The following ZBED6 variants were observed in gnomAD, a reference collection of about 807,000 sequenced individuals.
The protein encoded by ZBED6 is zinc finger BED-type containing 6, also known as zinc finger BED domain-containing protein 6.
In ZBED6, 40 loss-of-function variants were observed where a neutral mutation model predicts 58.4. That is an observed-to-expected ratio of 0.68 (90% CI 0.53 to 0.89). The LOEUF is 0.89. Ranked by LOEUF, ZBED6 falls within the 40% of genes least tolerant of loss-of-function variation. The probability of loss-of-function intolerance (pLI) is 0.00; values close to 1 mark genes in which losing one functional copy is unlikely to be tolerated. For missense variants in ZBED6, 1,057 were observed against 1,003.9 expected (o/e 1.05, Z -0.71); for synonymous variants, 439 against 350.6 (o/e 1.25, Z -2.82).
chr1:203,798,231 T>C (rs1489823293), exon 1 of ZBED6: 1 of 1,536,136 alleles, frequency 6.5e-7, no homozygotes, highest in East Asian at 2.4e-5. Context: ...TAAATCAGCA[T>C]CTGATGCCCT....
exon 17 of ZBED6, chr1:203,852,794 G>C (rs1689568126): frequency 5.3e-6 from 1 of 188,582 alleles, no homozygotes; most frequent in Admixed American, 5.4e-5. Flanking sequence ...AATATTACCT[G>C]AGTTTGAAAT....
chr1:203,848,900 G>A (rs931685059), intron 13 of ZBED6, among the ~76,000 whole-genome samples: 3 of 148,398 alleles, frequency 2.0e-5, no homozygotes, highest in Admixed American at 7.1e-5. Flanking sequence ...GGATTTCTTC[G>A]AGCTTTTTCA....
chr1:203,796,631 G>A, exon 1 of ZBED6: 2 of 395,668 alleles, frequency 5.1e-6, no homozygotes, highest in Non-Finnish European at 4.5e-6. Context: ...GGGGGAAGGG[G>A]AGGGATCAAT....
At chr1:203,826,950 C>G (rs1483368222) in intron 3 of ZBED6, among the ~76,000 whole-genome samples, 1 of 150,700 alleles carries the variant, frequency 6.6e-6, no homozygotes, top group Non-Finnish European at 1.5e-5. Flanking sequence ...ATCTATCTTC[C>G]CCTTCATCCC....
intron 12 of ZBED6, 71 bp from the exon 13 acceptor site, chr1:203,848,260 T>G (rs1000829039): frequency 1.6e-6 from 2 of 1,278,868 alleles, no homozygotes; most frequent in African/African-American, 1.5e-5. Context: ...AAATAAAGTT[T>G]TGTTTAACAT....
In ZBED6 at chr1:203,797,439, C is replaced by T. The variant is rs1668916132; in HGVS notation, c.-84C>T. The stretch of plus-strand genomic sequence containing the variant: ...CATAGAAACTGGAGAAAAGGTAATG[C>T]AAGTAGAGAGGAACAGCTGTATTTC... On this transcript the variant is annotated 5_prime_UTR_variant, in exon 1 of 17. It introduces an in-frame stop codon into an upstream open reading frame of the 5' UTR. Coordinates refer to ENST00000550078, the Ensembl canonical transcript of ZBED6. 1.6e-6 allele frequency: 2 copies of T among 1,287,006 alleles called. No homozygotes were observed. The highest frequency in any genetic ancestry group is 3.4e-5 in the South Asian group (2 of 59,498). 79.7% of individuals were successfully genotyped at this position (1,287,006 alleles called of 1,614,324 possible).
At chr1:203,802,714 C>CTTTTTTTTTTTTTTT (rs150416242) in exon 1 of ZBED6, 3 of 131,654 alleles carry the variant, frequency 2.3e-5, no homozygotes, top group Non-Finnish European at 3.3e-5. Context: ...TAAATGAACT[C>CTTTTTTTTTTTTTTT]TTTTTTTTTG....
chr1:203,834,852 C>G (rs1683729860), intron 9 of ZBED6, among the ~76,000 whole-genome samples: 1 of 152,192 alleles, frequency 6.6e-6, no homozygotes, highest in Non-Finnish European at 1.5e-5. Context: ...CCATGTTGGC[C>G]AGGCTGGTCT....
rs1159515314 is a variant in ZBED6 at position 203,808,239 on chromosome 1, C to G, written c.*2554+5223C>G. ...AAATTCTAAACTTAAAGGTCATAATCTCCTTTACATTCTGGATGAATAGCA... is the reference window on the plus strand; with the variant it reads ...AAATTCTAAACTTAAAGGTCATAATGTCCTTTACATTCTGGATGAATAGCA... On this transcript the variant is annotated intron_variant, in intron 1 of 16. Transcript: ENST00000550078. Among the ~76,000 whole-genome samples the G allele has an allele frequency of 6.7e-5, 10 of 148,306 alleles. No homozygotes were observed. In the Admixed American group the frequency reaches 7.1e-4, roughly 11 times the overall value.
intron 8 of ZBED6, among the ~76,000 whole-genome samples, chr1:203,833,007 G>A (rs1682898563): frequency 6.6e-6 from 1 of 152,154 alleles, no homozygotes; most frequent in Admixed American, 6.5e-5. Flanking sequence ...GCTGAGGCGG[G>A]CGGATCGCTT....
At chr1:203,799,730 T>C in exon 1 of ZBED6, 1 of 755,164 alleles carries the variant, frequency 1.3e-6, no homozygotes, top group Non-Finnish European at 2.3e-6. Flanking sequence ...GAGGTATTAC[T>C]CAGGCCCTCA....
chr1:203,840,561 A>G (rs1218609283), intron 11 of ZBED6, among the ~76,000 whole-genome samples, 187 bp downstream of exon 11: 3 of 151,970 alleles, frequency 2.0e-5, no homozygotes, highest in Non-Finnish European at 4.4e-5. Context: ...TTTTGTGCTT[A>G]GAGATGGTAA....
At chr1:203,831,358 C>G (rs1682305045) in intron 7 of ZBED6, among the ~76,000 whole-genome samples, 1 of 152,082 alleles carries the variant, frequency 6.6e-6, no homozygotes, top group Non-Finnish European at 1.5e-5. Context: ...TAGTGTACCT[C>G]TGAGGTTAAT....
At chr1:203,836,635 G>A (rs1684428300) in intron 9 of ZBED6, among the ~76,000 whole-genome samples, 1 of 152,174 alleles carries the variant, frequency 6.6e-6, no homozygotes, top group Admixed American at 6.5e-5. Flanking sequence ...AATCAGCCAG[G>A]CATGGTGGCA....
chr1:203,796,289 C>T, exon 1 of ZBED6: 4 of 397,246 alleles, frequency 1.0e-5, no homozygotes, highest in Non-Finnish European at 4.4e-6. Flanking sequence ...TCATTCCTCT[C>T]CAGGGTCCCG....
At chr1:203,844,348 C>A (rs562967738) in intron 11 of ZBED6, among the ~76,000 whole-genome samples, 1 of 151,756 alleles carries the variant, frequency 6.6e-6, no homozygotes, top group African/African-American at 2.4e-5. Flanking sequence ...TTAGTAGAGA[C>A]GGGGTTTCAC....
At chr1:203,821,905 C>T (rs1396980618) in intron 3 of ZBED6, among the ~76,000 whole-genome samples, 1 of 151,922 alleles carries the variant, frequency 6.6e-6, no homozygotes, top group Non-Finnish European at 1.5e-5. Flanking sequence ...TTACAGGTGC[C>T]CGCCACCACG....
chr1:203,848,761 ATTAC>A (rs2103425805), intron 13 of ZBED6, among the ~76,000 whole-genome samples: 1 of 152,238 alleles, frequency 6.6e-6, no homozygotes, highest in East Asian at 1.9e-4. Flanking sequence ...TTAATTGGCC[ATTAC>A]TTTTTTTTAA....
intron 8 of ZBED6, among the ~76,000 whole-genome samples, chr1:203,832,242 G>C (rs1354263763): frequency 6.6e-6 from 1 of 152,044 alleles, no homozygotes; most frequent in Non-Finnish European, 1.5e-5. Flanking sequence ...TGTATTTTTA[G>C]TAGAGACGGG....
Sources: gnomAD v4.1 joint callset for allele counts (sites outside exome capture counted in the v4.1 genomes callset) on GRCh38, gnomAD v4.1.1 for gene constraint, MANE v1.5 for transcripts, NCBI Gene and HGNC (gene_info 2026-07-23, HGNC 2026-07-21) for gene names.